The following USP15 variants were observed in gnomAD, a reference collection of about 807,000 sequenced individuals.
USP15 encodes the protein ubiquitin specific peptidase 15.
Under a neutral mutation model 127.1 loss-of-function variants are expected in USP15, and 18 were observed. The observed-to-expected ratio is 0.14, with a 90% CI of 0.10 to 0.21. The LOEUF is 0.21. Among genes scored for constraint, USP15 ranks in the 10% least tolerant of loss-of-function variants. The pLI, the probability that USP15 is intolerant of heterozygous loss-of-function variation, is 1.00. For synonymous variants in USP15, 364 were observed against 393.7 expected (o/e 0.92, Z 0.89); for missense variants, 805 against 1,159.9 (o/e 0.69, Z 4.44).
chr12:62,360,497 A>G (rs1197454876), intron 8 of USP15, among the ~76,000 whole-genome samples: 1 of 152,070 alleles, frequency 6.6e-6, no homozygotes, highest in Non-Finnish European at 1.5e-5. Context: ...ACATTGTAAA[A>G]CAGAGAAAAA....
At chr12:62,297,492 T>A (rs1249579171) in intron 2 of USP15, among the ~76,000 whole-genome samples, 2 of 152,198 alleles carry the variant, frequency 1.3e-5, no homozygotes, top group Admixed American at 6.5e-5. Context: ...AAGTGGGATG[T>A]TCCTCTAATG....
chr12:62,397,263 T>C (rs1399295019), intron 20 of USP15, among the ~76,000 whole-genome samples: 3 of 152,258 alleles, frequency 2.0e-5, no homozygotes, highest in Admixed American at 1.3e-4. Flanking sequence ...CAAGCTGAGA[T>C]GCTTTATCCT....
chr12:62,304,830 T>TAA (rs34411608), intron 3 of USP15: 12,144 of 174,464 alleles, frequency 0.07, 525 homozygotes, highest in Non-Finnish European at 0.091. Context: ...TTATTATGCT[T>TAA]AAAAAAAAAA....
intron 1 of USP15, among the ~76,000 whole-genome samples, chr12:62,260,777 C>T (rs752304442): frequency 1.4e-4 from 21 of 152,158 alleles, no homozygotes; most frequent in Non-Finnish European, 2.2e-4. Flanking sequence ...GTCCTCCTTC[C>T]TTCCGTAGTG....
intron 8 of USP15, among the ~76,000 whole-genome samples, chr12:62,355,825 C>CTTTTTTTTTTTTTTTTTTTTTTTTT (rs201572809): frequency 8.0e-6 from 1 of 124,404 alleles, no homozygotes; most frequent in Non-Finnish European, 1.7e-5. Flanking sequence ...CTTTTTTTTT[C>CTTTTTTTTTTTTTTTTTTTTTTTTT]TTTTTTTTTT....
At chr12:62,308,292 C>T (rs1430005310) in intron 3 of USP15, among the ~76,000 whole-genome samples, 1 of 151,890 alleles carries the variant, frequency 6.6e-6, no homozygotes, top group Non-Finnish European at 1.5e-5. Context: ...CATTGGGGGC[C>T]AGGGGGTAGA....
At chr12:62,386,738 A>G (rs1042985939) in intron 11 of USP15, among the ~76,000 whole-genome samples, 1 of 152,162 alleles carries the variant, frequency 6.6e-6, no homozygotes, top group Non-Finnish European at 1.5e-5. Context: ...AAAACTAGGG[A>G]AGCCATTAAA....
At chr12:62,285,658 T>C (rs915404261) in intron 1 of USP15, among the ~76,000 whole-genome samples, 3 of 152,228 alleles carry the variant, frequency 2.0e-5, no homozygotes, top group Non-Finnish European at 4.4e-5. Flanking sequence ...TATCCATATA[T>C]GCTACATTGC....
intron 6 of USP15, among the ~76,000 whole-genome samples, chr12:62,326,782 A>C (rs969147266): frequency 6.6e-6 from 1 of 152,190 alleles, no homozygotes; most frequent in African/African-American, 2.4e-5. Context: ...AACTAATAAC[A>C]ATTTAGTACA....
chr12:62,369,958 C>T (rs1304272637), intron 8 of USP15, among the ~76,000 whole-genome samples: 1 of 152,006 alleles, frequency 6.6e-6, no homozygotes, highest in Non-Finnish European at 1.5e-5. Flanking sequence ...CCCTTGTTTA[C>T]TCTTTGTTTT....
chr12:62,391,927 T>C, intron 17 of USP15, 41 bp downstream of exon 17: 1 of 1,523,110 alleles, frequency 6.6e-7, no homozygotes, highest in Non-Finnish European at 9.0e-7. Context: ...TTCCTTGATT[T>C]ACTTTATGTG....
At chr12:62,338,017 A>G (rs541745571) in intron 6 of USP15, among the ~76,000 whole-genome samples, 3 of 152,236 alleles carry the variant, frequency 2.0e-5, no homozygotes, top group African/African-American at 7.2e-5. Context: ...TGCTGGGGCA[A>G]ATGGTATTTC....
chr12:62,401,072 C>T (rs1166749544), intron 20 of USP15, 115 bp from the exon 21 acceptor site: 10 of 547,456 alleles, frequency 1.8e-5, no homozygotes, highest in Non-Finnish European at 3.1e-5. Context: ...AAATAAGCCT[C>T]ATAGATGATT....
At chr12:62,306,961 G>A (rs1048960629) in intron 3 of USP15, among the ~76,000 whole-genome samples, 5 of 152,142 alleles carry the variant, frequency 3.3e-5, no homozygotes, top group South Asian at 4.1e-4. Flanking sequence ...TATTAAGGGT[G>A]TCTTCTCAAT....
intron 8 of USP15, among the ~76,000 whole-genome samples, chr12:62,369,036 A>T (rs1435852890): frequency 6.6e-6 from 1 of 152,194 alleles, no homozygotes; most frequent in Non-Finnish European, 1.5e-5. Flanking sequence ...ATTATTCTAG[A>T]CATTGGCATA....
At chr12:62,278,250 A>G (rs1481282534) in intron 1 of USP15, among the ~76,000 whole-genome samples, 8 of 152,142 alleles carry the variant, frequency 5.3e-5, no homozygotes, top group Non-Finnish European at 1.2e-4. Context: ...ATCTCCTGTG[A>G]TATCAGTGCC....
chr12:62,382,945 A>G (rs1434323912), intron 9 of USP15, among the ~76,000 whole-genome samples: 1 of 151,982 alleles, frequency 6.6e-6, no homozygotes, highest in Non-Finnish European at 1.5e-5. Flanking sequence ...AATTAAGGAC[A>G]TCTGGAAAAT....
chr12:62,345,032 C>G (rs549916105), intron 6 of USP15, among the ~76,000 whole-genome samples: 13 of 152,328 alleles, frequency 8.5e-5, no homozygotes, highest in African/African-American at 1.2e-4. Context: ...GACATTTTCC[C>G]CATTGTCTTG....
At chr12:62,328,431 G>A in intron 6 of USP15, 1 of 285,810 alleles carries the variant, frequency 3.5e-6, no homozygotes, top group Non-Finnish European at 7.6e-6. Context: ...GCTTGGATTT[G>A]GCCTGTGAGC....
Sources: gnomAD v4.1 joint callset for allele counts (sites outside exome capture counted in the v4.1 genomes callset) on GRCh38, gnomAD v4.1.1 for gene constraint, MANE v1.5 for transcripts, NCBI Gene and HGNC (gene_info 2026-07-23, HGNC 2026-07-21) for gene names.